The following NAALADL2 variants were observed in gnomAD, a reference collection of about 807,000 sequenced individuals.
NAALADL2 encodes inactive N-acetylated-alpha-linked acidic dipeptidase-like protein 2.
Under a neutral mutation model 87.2 loss-of-function variants are expected in NAALADL2, and 76 were observed. The ratio of observed to expected loss-of-function variants is 0.87; its 90% CI spans 0.72 to 1.05. NAALADL2 has a LOEUF of 1.05. NAALADL2 is among the 50% of genes least tolerant of loss of function. NAALADL2 has a pLI of 0.00. For missense variants in NAALADL2, 1,089 were observed against 945.8 expected, an observed-to-expected ratio of 1.15 and a Z score of -1.99; for synonymous variants, 354 against 331.0, an observed-to-expected ratio of 1.07 and a Z score of -0.75.
intron 1 of NAALADL2, among the ~76,000 whole-genome samples, chr3:174,882,681 A>G (rs755008185): frequency 2.0e-5 from 3 of 147,508 alleles, no homozygotes; most frequent in African/African-American, 7.5e-5. Context: ...ATATGTGTAT[A>G]TGTGTATCCG....
intron 11 of NAALADL2, among the ~76,000 whole-genome samples, chr3:175,706,166 TC>T: frequency 6.6e-6 from 1 of 152,194 alleles, no homozygotes; most frequent in South Asian, 2.1e-4. Flanking sequence ...AGTTTCTTGT[TC>T]TCAAGGGCTT....
In NAALADL2 at chr3:174,787,601, A is replaced by ATATATATATATATATATATG. The variant is rs1560225697; in HGVS notation, c.-9+49874_-9+49875insGTATATATATATATATATAT. On this transcript the variant is annotated intron_variant, in intron 3 of 3. Transcript: ENST00000434257. Reference sequence around the variant, plus strand: ...CATATATATATATATATATATATATATATATATATATATATATATAGTAGT... The same window carrying ATATATATATATATATATATG: ...CATATATATATATATATATATATATATATATATATATATATATATGTATATATATATATATATATAGTAGT... Among the ~76,000 whole-genome samples, 247 of 91,182 alleles carry ATATATATATATATATATATG rather than the reference A, an allele frequency of 2.7e-3. 13 individuals are homozygous for ATATATATATATATATATATG. Among genetic ancestry groups the ATATATATATATATATATATG allele is most frequent in the African/African-American group, 9.1e-3 (237 of 26,006 alleles). The allele number at this position is 91,182 out of a possible 152,430, so 59.8% of individuals were successfully genotyped here. A position where few individuals can be genotyped will look rare whatever the true frequency, so the allele number is the denominator to read the frequency against.
At chr3:174,512,553 A>G (rs762650038) in intron 1 of NAALADL2, among the ~76,000 whole-genome samples, 1 of 152,194 alleles carries the variant, frequency 6.6e-6, no homozygotes, top group African/African-American at 2.4e-5. Flanking sequence ...CGGCAGATCA[A>G]TTGTGAGTTA....
chr3:174,445,661 A>G (rs1250383446), intron 1 of NAALADL2, among the ~76,000 whole-genome samples: 4 of 152,150 alleles, frequency 2.6e-5, no homozygotes, highest in African/African-American at 9.7e-5. Context: ...GCATGCACAT[A>G]TGATGTAACT....
intron 1 of NAALADL2, among the ~76,000 whole-genome samples, chr3:174,539,525 C>T (rs966843666): frequency 6.6e-6 from 1 of 152,074 alleles, no homozygotes; most frequent in Non-Finnish European, 1.5e-5. Flanking sequence ...ATTCTAGAGA[C>T]TTACTTATGA....
intron 10 of NAALADL2, among the ~76,000 whole-genome samples, chr3:175,580,102 A>G (rs962072701): frequency 2.0e-5 from 3 of 152,162 alleles, no homozygotes; most frequent in Admixed American, 6.6e-5. Context: ...AATTGTTTCA[A>G]TATCATTTAA....
chr3:174,704,744 T>G (rs1160905940), intron 2 of NAALADL2, among the ~76,000 whole-genome samples: 1 of 152,098 alleles, frequency 6.6e-6, no homozygotes, highest in Non-Finnish European at 1.5e-5. Flanking sequence ...TCATACCCCA[T>G]GGATTAATTG....
intron 3 of NAALADL2, among the ~76,000 whole-genome samples, chr3:174,760,592 C>A (rs1712799189): frequency 6.6e-6 from 1 of 152,194 alleles, no homozygotes; most frequent in African/African-American, 2.4e-5. Context: ...TGAGAGCAGG[C>A]AGCAGGATTT....
At chr3:175,463,319 T>C (rs1447924101) in intron 6 of NAALADL2, 82 bp from the exon 7 acceptor site, 3 of 823,864 alleles carry the variant, frequency 3.6e-6, no homozygotes, top group African/African-American at 1.8e-5. Context: ...TTGCTGATGA[T>C]ATTGGATAAA....
At chr3:175,501,960 G>A (rs114585478) in intron 9 of NAALADL2, among the ~76,000 whole-genome samples, 3,262 of 152,168 alleles carry the variant, frequency 0.021, 115 homozygotes, top group African/African-American at 0.074. Flanking sequence ...AAGAAGGCAT[G>A]TTAGTCACCA....
intron 5 of NAALADL2, among the ~76,000 whole-genome samples, chr3:175,370,697 G>C (rs1766367544): frequency 6.6e-6 from 1 of 152,252 alleles, no homozygotes; most frequent in Non-Finnish European, 1.5e-5. Context: ...TTGATGATAT[G>C]CCAAACATGC....
intron 11 of NAALADL2, among the ~76,000 whole-genome samples, chr3:175,656,042 C>T (rs367983297): frequency 5.9e-5 from 9 of 152,144 alleles, no homozygotes; most frequent in Admixed American, 2.0e-4. Context: ...TATCTAATGT[C>T]CTTTGGCTAA....
At position 175,805,475 on chromosome 3, in the gene NAALADL2, A is replaced by G. The variant is rs954122278; in HGVS notation, c.*2272A>G. 6 of 151,796 alleles carry G rather than the reference A, an allele frequency of 4.0e-5. No homozygotes were observed. Among genetic ancestry groups the G allele is most frequent in the Non-Finnish European group, 7.4e-5 (5 of 67,794 alleles). 9.4% of individuals were successfully genotyped at this position (151,796 alleles called of 1,614,324 possible). A position where few individuals can be genotyped will look rare whatever the true frequency, so the allele number is the denominator to read the frequency against. ...AAATTATACCTAAAGCAGACGTCCA[A>G]CAAATTCTGTACATGCTGCTTTACA... On this transcript the variant is annotated 3_prime_UTR_variant, in exon 14 of 14. Coordinates refer to ENST00000454872, the MANE Select transcript of NAALADL2 (RefSeq NM_207015.3).
intron 1 of NAALADL2, among the ~76,000 whole-genome samples, chr3:174,948,698 G>A (rs1739864705): frequency 1.3e-5 from 2 of 152,024 alleles, no homozygotes; most frequent in African/African-American, 2.4e-5. Context: ...GTCTCTTCTG[G>A]GAAGATTTGA....
At chr3:175,438,203 T>C (rs1319227998) in intron 5 of NAALADL2, among the ~76,000 whole-genome samples, 1 of 152,126 alleles carries the variant, frequency 6.6e-6, no homozygotes, top group African/African-American at 2.4e-5. Context: ...GTTTCCATTT[T>C]AAATAATAAT....
intron 1 of NAALADL2, among the ~76,000 whole-genome samples, chr3:175,007,676 T>A (rs1253565957): frequency 6.6e-6 from 1 of 152,190 alleles, no homozygotes; most frequent in Non-Finnish European, 1.5e-5. Context: ...CCCCAGTGGA[T>A]GCCTGAAACC....
At chr3:175,092,439 T>C (rs191706920) in intron 1 of NAALADL2, among the ~76,000 whole-genome samples, 3 of 152,006 alleles carry the variant, frequency 2.0e-5, no homozygotes, top group Non-Finnish European at 4.4e-5. Context: ...ATAAGTAATA[T>C]GTAACATTTA....
intron 12 of NAALADL2, among the ~76,000 whole-genome samples, chr3:175,742,699 A>G (rs1278898779): frequency 6.6e-6 from 1 of 151,780 alleles, no homozygotes; most frequent in Admixed American, 6.6e-5. Flanking sequence ...GCCCGGCCCT[A>G]TGTAATGTAA....
chr3:174,614,601 C>T (rs112384696), intron 2 of NAALADL2, among the ~76,000 whole-genome samples: 495 of 152,274 alleles, frequency 3.3e-3, no homozygotes, highest in African/African-American at 0.011. Context: ...TGATTCAGGA[C>T]TGTTTGTCCT....
Sources: allele counts gnomAD v4.1 joint callset (sites outside exome capture counted in the v4.1 genomes callset), GRCh38; gene constraint gnomAD v4.1.1; transcripts MANE v1.5; gene names NCBI Gene and HGNC (gene_info 2026-07-23, HGNC 2026-07-21).